HARS1: variants seen among roughly 807,000 people sequenced by gnomAD.
HARS1 encodes histidine--tRNA ligase, cytoplasmic.
Under a neutral mutation model 63.6 loss-of-function variants are expected in HARS1, and 45 were observed. The observed-to-expected ratio is 0.71, with a 90% CI of 0.56 to 0.91. HARS1 has a LOEUF of 0.91. Among genes scored for constraint, HARS1 ranks in the 40% least tolerant of loss-of-function variants. The pLI is 0.00. For missense variants in HARS1, 508 were observed against 643.2 expected, an observed-to-expected ratio of 0.79 and a Z score of 2.27; for synonymous variants, 205 against 247.1, an observed-to-expected ratio of 0.83 and a Z score of 1.60.
Position 140,691,214 on chromosome 5 carries a change from C to A in HARS1, c.90+1G>T. 1 of 1,598,600 alleles carries A rather than the reference C, an allele frequency of 6.3e-7. No homozygotes were observed. The highest frequency in any genetic ancestry group is 8.5e-7 in the Non-Finnish European group (1 of 1,173,774). ...CCTCTCCCCTGCTGCCTAAATCTCA[C>A]CAGCTCGGCGCTGGCCTTCTGCTGC... On this transcript the variant is annotated splice_donor_variant, in intron 1 of 12. Transcript: ENST00000504156. LOFTEE classifies it high-confidence loss of function.
chr5:140,680,769 G>A (rs1467307187), intron 3 of HARS1, among the ~76,000 whole-genome samples: 1 of 151,784 alleles, frequency 6.6e-6, no homozygotes, highest in Non-Finnish European at 1.5e-5. Flanking sequence ...GAACCCGGGA[G>A]GCAGAGGGTG....
chr5:140,689,973 G>A (rs1321351687), intron 2 of HARS1, among the ~76,000 whole-genome samples: 1 of 152,006 alleles, frequency 6.6e-6, no homozygotes, highest in African/African-American at 2.4e-5. Flanking sequence ...CCACTTTAGG[G>A]TTTCCATACT....
intron 2 of HARS1, among the ~76,000 whole-genome samples, chr5:140,685,929 GTCT>G (rs1185974323): frequency 1.3e-5 from 2 of 149,812 alleles, no homozygotes; most frequent in African/African-American, 4.9e-5. Context: ...CATCAAGAAA[GTCT>G]TTTTTTTTTT....
Position 140,679,849 on chromosome 5 carries a change from T to C in HARS1, c.335A>G (p.Lys112Arg), listed in dbSNP as rs746177150. Reference protein sequence around the residue: ...TLMGKYGEDSKLIYDLKDQGG... With the variant: ...TLMGKYGEDSRLIYDLKDQGG... ...CTGGTCCTTCAGGTCATAGATAAGC[T>C]TGGAGTCTTCCCCATACTTTCCCAT... Residue 112 changes from lysine to arginine, a missense_variant, in exon 4 of 13, where the codon AAG becomes AGG. This residue lies in a region of HARS1 where 403 missense variants were observed against 548.7 expected (regional missense o/e 0.73). Coordinates refer to ENST00000504156, the MANE Select transcript of HARS1 (RefSeq NM_002109.6). This position sits in a 1 kb window ranked among gnomAD's most constrained non-coding sequence, Gnocchi z 4.3. 9 of 1,608,282 alleles carry C rather than the reference T, an allele frequency of 5.6e-6. No homozygotes were observed. Among genetic ancestry groups the C allele is most frequent in the Admixed American group, 1.7e-5 (1 of 59,966 alleles).
chr5:140,681,320 T>C (rs746222031), intron 3 of HARS1, among the ~76,000 whole-genome samples: 4 of 152,098 alleles, frequency 2.6e-5, no homozygotes, highest in Admixed American at 6.6e-5. Flanking sequence ...TGATCCAATA[T>C]GTTGTTGTAA....
chr5:140,678,296 T>C (rs963418487), intron 5 of HARS1: 1 of 453,762 alleles, frequency 2.2e-6, no homozygotes, highest in African/African-American at 2.0e-5. Context: ...CTTAGCCATT[T>C]TCCCTATTCA....
intron 2 of HARS1, among the ~76,000 whole-genome samples, chr5:140,687,236 A>G (rs1309613518): frequency 6.6e-6 from 1 of 152,176 alleles, no homozygotes; most frequent in East Asian, 1.9e-4. Context: ...CAATAAAATC[A>G]GTAAGTTTTT....
intron 2 of HARS1, 144 bp downstream of exon 2, chr5:140,690,711 T>C: frequency 1.5e-6 from 1 of 647,870 alleles, no homozygotes; most frequent in Non-Finnish European, 2.8e-6. Flanking sequence ...TAGAGTCCAG[T>C]CCAGCCCAGC....
Position 140,691,329 on chromosome 5 carries a change from G to T in HARS1, c.-25C>A. ...TCCCGGCTGTCCACTTGAGCCGCCT[G>T]CTGTCTCGACCTGCGGTGGTTGCCC... On this transcript the variant is annotated 5_prime_UTR_variant, in exon 1 of 13. Coordinates refer to ENST00000504156, the MANE Select transcript of HARS1 (RefSeq NM_002109.6). The T allele has an allele frequency of 6.4e-7, 1 of 1,572,820 alleles. No individual in the cohort carries two copies.
chr5:140,678,031 T>A lies in HARS1; in HGVS notation c.523-16A>T. 1.4e-6 allele frequency: 2 copies of A among 1,417,338 alleles called. No homozygotes were observed. Among genetic ancestry groups the A allele is most frequent in the Non-Finnish European group, 2.0e-6 (2 of 1,000,930 alleles). 87.8% of individuals were successfully genotyped at this position (1,417,338 alleles called of 1,614,324 possible). A position where few individuals can be genotyped will look rare whatever the true frequency, so the allele number is the denominator to read the frequency against. ...TGTCAAAATCCTGCAGGGAGAGGGTTAGCCAGCGGTCTTCAGGGATTCACC... is the reference window on the plus strand; with the variant it reads ...TGTCAAAATCCTGCAGGGAGAGGGTAAGCCAGCGGTCTTCAGGGATTCACC... On this transcript the variant is annotated splice_polypyrimidine_tract_variant and intron_variant, in intron 5 of 12. Transcript: ENST00000504156.
chr5:140,674,155 C>T lies in HARS1; in HGVS notation c.*102G>A, dbSNP rs1758204084. ...TGTTCTGACCACTCTTCAGGTCTTCCGCTGAAACGGAAAAGTGCAAAGCAA... is the reference window on the plus strand; with the variant it reads ...TGTTCTGACCACTCTTCAGGTCTTCTGCTGAAACGGAAAAGTGCAAAGCAA... On this transcript the variant is annotated 3_prime_UTR_variant, in exon 13 of 13. Transcript: ENST00000504156. 1 of 798,922 alleles carries T rather than the reference C, an allele frequency of 1.3e-6. No individual in the cohort carries two copies. The allele number at this position is 798,922 out of a possible 1,614,324, so 49.5% of individuals were successfully genotyped here. A position where few individuals can be genotyped will look rare whatever the true frequency, so the allele number is the denominator to read the frequency against.
Position 140,675,132 on chromosome 5 carries a change from G to C in HARS1, c.1196C>G (p.Ala399Gly). ...CGTGGTCCGTATCTTCTCCTCCAAAGCCTGGGGAAGGGGCAGATAAAAGAG... is the reference window on the plus strand; with the variant it reads ...CGTGGTCCGTATCTTCTCCTCCAAACCCTGGGGAAGGGGCAGATAAAAGAG... ...IFSIVEQRLE[A>G]LEEKIRTTET... Residue 399 changes from alanine to glycine, a missense_variant and splice_region_variant, in exon 11 of 13, where the codon GCT becomes GGT. Coordinates refer to ENST00000504156, the MANE Select transcript of HARS1 (RefSeq NM_002109.6). The C allele has an allele frequency of 4.4e-6, 7 of 1,585,242 alleles. 1 individual carries two copies. The Middle Eastern group carries it at 6.7e-4, about 151-fold the overall frequency.
In HARS1 at chr5:140,675,553, TAA is replaced by T. The variant is rs11336085; in HGVS notation, c.1195-422_1195-421del. ...CACACACCACCATACTCAGCTAATT[TAA>T]AAAAAAAAAAAAATTTTTTTTTTTA... On this transcript the variant is annotated intron_variant, in intron 10 of 12. Coordinates refer to ENST00000504156, the MANE Select transcript of HARS1 (RefSeq NM_002109.6). The T allele has an allele frequency of 3.5e-3, 503 of 145,464 alleles. 3 individuals carry two copies. The highest frequency in any genetic ancestry group is 0.011 in the African/African-American group (445 of 39,552). 9.0% of individuals were successfully genotyped at this position (145,464 alleles called of 1,614,324 possible).
chr5:140,680,821 C>T (rs530519204), intron 3 of HARS1, among the ~76,000 whole-genome samples: 12 of 149,592 alleles, frequency 8.0e-5, no homozygotes, highest in East Asian at 7.9e-4. Flanking sequence ...GCCTGGGTGA[C>T]GAGAGTGAAA....
chr5:140,675,460 G>A (rs927494325), intron 10 of HARS1: 1 of 208,782 alleles, frequency 4.8e-6, no homozygotes, highest in African/African-American at 2.4e-5. Flanking sequence ...AAGTGCCGTG[G>A]TGTGATCACT....
At chr5:140,690,705 G>C (rs911109886) in intron 2 of HARS1, 150 bp downstream of exon 2, 10 of 636,510 alleles carry the variant, frequency 1.6e-5, no homozygotes, top group South Asian at 7.1e-5. Flanking sequence ...CTCAGGTAGA[G>C]TCCAGTCCAG....
chr5:140,683,279 T>A, intron 2 of HARS1, 60 bp from the exon 3 acceptor site: 1 of 1,561,918 alleles, frequency 6.4e-7, no homozygotes, highest in Non-Finnish European at 8.8e-7. Flanking sequence ...GAACAATATG[T>A]TTTGGAAATA....
intron 5 of HARS1, 51 bp downstream of exon 5, chr5:140,678,951 T>A: frequency 6.3e-7 from 1 of 1,598,816 alleles, no homozygotes; most frequent in Non-Finnish European, 8.5e-7. Flanking sequence ...TTCTGCTGGC[T>A]TGAGAGAGCC....
In HARS1 at chr5:140,679,842, G is replaced by C. The variant is rs774576832; in HGVS notation, c.342C>G (p.Ile114Met). The C allele has an allele frequency of 6.2e-7, 1 of 1,609,540 alleles. No individual in the cohort carries two copies. The highest frequency in any genetic ancestry group is 8.5e-7 in the Non-Finnish European group (1 of 1,175,908). ...CCCCGCCCTGGTCCTTCAGGTCATA[G>C]ATAAGCTTGGAGTCTTCCCCATACT... The part of the protein sequence containing the change: ...MGKYGEDSKL[I>M]YDLKDQGGEL... The change falls in exon 4 of 13, where the codon ATC becomes ATG. Residue 114 changes from isoleucine (I) to methionine (M), a missense_variant. Physicochemically the swap from Ile to Met is conservative, Grantham distance 10 (BLOSUM62 1). This residue lies in a region of HARS1 where 403 missense variants were observed against 548.7 expected (regional missense o/e 0.73). Coordinates refer to ENST00000504156, the MANE Select transcript of HARS1 (RefSeq NM_002109.6). This position sits in a 1 kb window ranked among gnomAD's most constrained non-coding sequence, Gnocchi z 4.3.
Sources: allele counts gnomAD v4.1 joint callset (sites outside exome capture counted in the v4.1 genomes callset), GRCh38; gene constraint gnomAD v4.1.1; regional missense constraint gnomAD v4.1.1; non-coding constraint Gnocchi (gnomAD v3.1); transcripts MANE v1.5; gene names NCBI Gene and HGNC (gene_info 2026-07-23, HGNC 2026-07-21).